Variants in RASAL2 observed in about 807,000 individuals in gnomAD.
RASAL2 encodes the protein ras GTPase-activating protein nGAP.
Under a neutral mutation model 128.9 loss-of-function variants are expected in RASAL2, and 58 were observed. The observed-to-expected ratio is 0.45, with a 90% CI of 0.36 to 0.56. The LOEUF is 0.56. RASAL2 is among the 20% of genes least tolerant of loss of function. RASAL2 has a pLI of 0.00. For missense variants in RASAL2, 1,360 were observed against 1,601.6 expected, an observed-to-expected ratio of 0.85 and a Z score of 2.57; for synonymous variants, 561 against 580.8, an observed-to-expected ratio of 0.97 and a Z score of 0.49.
At chr1:178,140,050 G>C (rs977260822) in intron 1 of RASAL2, among the ~76,000 whole-genome samples, 2 of 152,088 alleles carry the variant, frequency 1.3e-5, no homozygotes, top group Non-Finnish European at 2.9e-5. Flanking sequence ...TTTGAACCCA[G>C]TTCTATATTA....
intron 2 of RASAL2, among the ~76,000 whole-genome samples, chr1:178,286,656 C>G (rs1374636489): frequency 6.6e-6 from 1 of 152,236 alleles, no homozygotes; most frequent in African/African-American, 2.4e-5. Context: ...AGGTGATCCA[C>G]CCGCCTCAGC....
intron 3 of RASAL2, among the ~76,000 whole-genome samples, chr1:178,348,597 C>A (rs560395351): frequency 1.3e-5 from 2 of 152,228 alleles, no homozygotes; most frequent in East Asian, 3.9e-4. Context: ...CCACGCCCAG[C>A]CTGTACACTT....
rs1290743658 is a variant in RASAL2 at position 178,300,111 on chromosome 1, T to G, written c.450T>G (p.Thr150=). Residue 150 remains threonine, a synonymous_variant, in exon 3 of 18, where the codon ACT becomes ACG. Coordinates refer to ENST00000367649, the MANE Select transcript of RASAL2 (RefSeq NM_170692.4). ...CCGAGTACCCACCAGAGGGCGCCAC[T>G]AAACTGGGTAAGCTACTATGAAAAG... is the stretch of plus-strand genomic sequence containing the variant. ...QFPEYPPEGA[T]KLEVPAERSP... is the part of the protein sequence containing the mutation. 2.5e-6 allele frequency: 4 copies of G among 1,612,078 alleles called. No individual in the cohort carries two copies. Among genetic ancestry groups the G allele is most frequent in the African/African-American group, 1.3e-5 (1 of 74,816 alleles).
At chr1:178,300,162 A>G in intron 3 of RASAL2, 44 bp downstream of exon 3, 1 of 1,566,080 alleles carries the variant, frequency 6.4e-7, no homozygotes. Context: ...CTTTTATCCC[A>G]TAATTTATGG....
intron 1 of RASAL2, among the ~76,000 whole-genome samples, chr1:178,188,917 C>T (rs1229778254): frequency 6.6e-6 from 1 of 151,980 alleles, no homozygotes; most frequent in Non-Finnish European, 1.5e-5. Flanking sequence ...CTGATGGGAC[C>T]ACTGAGTTCA....
intron 1 of RASAL2, among the ~76,000 whole-genome samples, chr1:178,252,745 A>G (rs1665115469): frequency 6.6e-6 from 1 of 152,200 alleles, no homozygotes; most frequent in East Asian, 1.9e-4. Context: ...CCTGAAATCA[A>G]AATCTACCAT....
chr1:178,223,130 A>C (rs535268991), intron 1 of RASAL2, among the ~76,000 whole-genome samples: 1 of 152,284 alleles, frequency 6.6e-6, no homozygotes, highest in South Asian at 2.1e-4. Context: ...CTTTTTATTA[A>C]TTAATTCAAC....
chr1:178,380,579 G>A (rs1277155586), intron 3 of RASAL2, among the ~76,000 whole-genome samples: 3 of 152,154 alleles, frequency 2.0e-5, no homozygotes, highest in Admixed American at 1.3e-4. Context: ...TCTATTGAGT[G>A]GGGGTAGGGG....
chr1:178,348,014 C>T (rs1670239943), intron 3 of RASAL2, among the ~76,000 whole-genome samples: 2 of 152,200 alleles, frequency 1.3e-5, no homozygotes, highest in Admixed American at 1.3e-4. Flanking sequence ...GCATGAACCT[C>T]ACAAATGTAT....
chr1:178,119,674 G>A (rs760682306), intron 1 of RASAL2, among the ~76,000 whole-genome samples: 1 of 152,184 alleles, frequency 6.6e-6, no homozygotes, highest in Non-Finnish European at 1.5e-5. Context: ...GGCAACAGAA[G>A]TACATGTAAC....
intron 3 of RASAL2, among the ~76,000 whole-genome samples, chr1:178,343,510 T>C (rs1669988424): frequency 6.6e-6 from 1 of 152,226 alleles, no homozygotes; most frequent in East Asian, 1.9e-4. Flanking sequence ...TGCCATGATA[T>C]ATCTATGTAT....
chr1:178,120,623 T>G (rs991701416), intron 1 of RASAL2, among the ~76,000 whole-genome samples: 2 of 152,224 alleles, frequency 1.3e-5, no homozygotes, highest in Non-Finnish European at 2.9e-5. Flanking sequence ...CACTTACTGA[T>G]AGGGTTTTGA....
chr1:178,472,940 C>T, intron 17 of RASAL2, 135 bp from the exon 18 acceptor site: 1 of 984,390 alleles, frequency 1.0e-6, no homozygotes, highest in Non-Finnish European at 1.5e-6. Flanking sequence ...CAGAAAGAGG[C>T]AGAGACGTTC....
intron 1 of RASAL2, among the ~76,000 whole-genome samples, chr1:178,260,996 C>T (rs1665667812): frequency 6.6e-6 from 1 of 152,166 alleles, no homozygotes; most frequent in South Asian, 2.1e-4. Context: ...GGCGTTAGAA[C>T]AGTCTGAATG....
intron 1 of RASAL2, among the ~76,000 whole-genome samples, chr1:178,210,606 C>T (rs570892097): frequency 6.6e-6 from 1 of 152,174 alleles, no homozygotes; most frequent in Non-Finnish European, 1.5e-5. Flanking sequence ...AAGTTTGCTT[C>T]AGACTGATAA....
At chr1:178,199,438 C>T (rs753613860) in intron 1 of RASAL2, among the ~76,000 whole-genome samples, 5 of 152,108 alleles carry the variant, frequency 3.3e-5, no homozygotes, top group South Asian at 2.1e-4. Context: ...CATCTTGGAA[C>T]GGACACCCCG....
intron 1 of RASAL2, among the ~76,000 whole-genome samples, chr1:178,203,128 G>A (rs1195849554): frequency 6.6e-6 from 1 of 152,166 alleles, no homozygotes; most frequent in South Asian, 2.1e-4. Context: ...TCTGGATAGG[G>A]GCTTGCCTAT....
intron 1 of RASAL2, among the ~76,000 whole-genome samples, chr1:178,185,137 G>T (rs1487574385): frequency 1.3e-5 from 2 of 149,684 alleles, no homozygotes; most frequent in Non-Finnish European, 3.0e-5. Flanking sequence ...TTTTCAAATT[G>T]TAGTTGTTTG....
At chr1:178,359,131 AT>A (rs1670974825) in intron 3 of RASAL2, among the ~76,000 whole-genome samples, 1 of 152,244 alleles carries the variant, frequency 6.6e-6, no homozygotes, top group Admixed American at 6.5e-5. Context: ...TGTCTCCCAA[AT>A]AATCTATACA....
Sources: gnomAD v4.1 joint callset for allele counts (sites outside exome capture counted in the v4.1 genomes callset) on GRCh38, gnomAD v4.1.1 for gene constraint, MANE v1.5 for transcripts, NCBI Gene and HGNC (gene_info 2026-07-23, HGNC 2026-07-21) for gene names.